The following CDH7 variants were observed in gnomAD, a reference collection of about 807,000 sequenced individuals.
CDH7 encodes the protein cadherin-7.
A neutral mutation model predicts 71.8 loss-of-function variants in CDH7; 25 were observed. The observed-to-expected ratio is 0.35, with a 90% CI of 0.25 to 0.49. The LOEUF is 0.49. Among genes scored for constraint, CDH7 ranks in the 20% least tolerant of loss-of-function variants. The pLI, the probability that CDH7 is intolerant of heterozygous loss-of-function variation, is 0.99. For synonymous variants in CDH7, 381 were observed against 363.8 expected, an observed-to-expected ratio of 1.05 and a Z score of -0.54; for missense variants, 862 against 974.6, an observed-to-expected ratio of 0.88 and a Z score of 1.54.
chr18:65,835,519 G>C (rs1912501658), intron 6 of CDH7, among the ~76,000 whole-genome samples: 1 of 152,164 alleles, frequency 6.6e-6, no homozygotes, highest in Admixed American at 6.5e-5. Flanking sequence ...ATTTGCCACT[G>C]TTTGATGAAG....
intron 1 of CDH7, among the ~76,000 whole-genome samples, chr18:65,758,215 G>A (rs1916087206): frequency 6.6e-6 from 1 of 152,134 alleles, no homozygotes; most frequent in Non-Finnish European, 1.5e-5. Flanking sequence ...CAACCACAAA[G>A]AACTACAGGC....
In CDH7 at chr18:65,804,699, C is replaced by CGTGTGTGTGTGTGTGTGT. The variant is rs56242508; in HGVS notation, c.211-4996_211-4979dup. On this transcript the variant is annotated intron_variant, in intron 2 of 11. Transcript: ENST00000397968. ...CACGTTTCAACCCTCCCTTAACACA[C>CGTGTGTGTGTGTGTGTGT]GTGTGTGTGTGTGTGTGTGTGTGTG... Among the ~76,000 whole-genome samples the CGTGTGTGTGTGTGTGTGT allele has an allele frequency of 2.4e-3, 354 of 148,816 alleles. 1 individual carries two copies. Among genetic ancestry groups the CGTGTGTGTGTGTGTGTGT allele is most frequent in the East Asian group, 8.1e-3 (40 of 4,940 alleles).
At chr18:65,876,057 T>C (rs1311079088) in intron 11 of CDH7, among the ~76,000 whole-genome samples, 1 of 152,230 alleles carries the variant, frequency 6.6e-6, no homozygotes, top group Non-Finnish European at 1.5e-5. Flanking sequence ...TTCTCTTTTC[T>C]GCATATTTCT....
At chr18:65,845,809 G>A (rs1019018514) in intron 7 of CDH7, among the ~76,000 whole-genome samples, 4 of 152,034 alleles carry the variant, frequency 2.6e-5, no homozygotes, top group Non-Finnish European at 4.4e-5. Flanking sequence ...TGTAGTTCTA[G>A]CAACTTGGGA....
At chr18:65,763,884 T>C (rs1298317870) in intron 2 of CDH7, among the ~76,000 whole-genome samples, 2 of 152,126 alleles carry the variant, frequency 1.3e-5, no homozygotes, top group Non-Finnish European at 2.9e-5. Context: ...TGGCATATCA[T>C]GTTCTCGGTT....
At chr18:65,787,912 A>T (rs1364208397) in intron 2 of CDH7, among the ~76,000 whole-genome samples, 1 of 152,090 alleles carries the variant, frequency 6.6e-6, no homozygotes, top group Non-Finnish European at 1.5e-5. Flanking sequence ...AGAGAAAGCG[A>T]GTAACCAGTT....
intron 2 of CDH7, among the ~76,000 whole-genome samples, chr18:65,808,386 T>C (rs1911402400): frequency 6.6e-6 from 1 of 152,090 alleles, no homozygotes. Flanking sequence ...TCACAATAGT[T>C]GAAGAACACA....
intron 2 of CDH7, among the ~76,000 whole-genome samples, chr18:65,799,645 C>T (rs1911047586): frequency 1.3e-5 from 2 of 151,678 alleles, no homozygotes; most frequent in South Asian, 2.1e-4. Flanking sequence ...CACTGCAGTG[C>T]AGCCTGGGTG....
chr18:65,865,807 C>T (rs1231455257), intron 11 of CDH7: 2 of 152,242 alleles, frequency 1.3e-5, no homozygotes, highest in East Asian at 1.9e-4. Flanking sequence ...CACAGCCTGG[C>T]ATGAAAATTG....
intron 7 of CDH7, among the ~76,000 whole-genome samples, chr18:65,854,120 C>CTGTATCTCTACAAAA (rs1913261529): frequency 6.6e-6 from 1 of 150,782 alleles, no homozygotes; most frequent in African/African-American, 2.4e-5. Context: ...GCCCTGGCAG[C>CTGTATCTCTACAAAA]AATAGTGAGA....
rs369236275 is a variant in CDH7 at position 65,881,605 on chromosome 18, TAAAA to T, written c.*718_*721del. On this transcript the variant is annotated 3_prime_UTR_variant, in exon 12 of 12. Transcript: ENST00000397968. ...TTTTGAGATGCTTGTGTAGGTATGA[TAAAA>T]AAAAAAGTTGCTGTCTGTTCATTGA... is the stretch of plus-strand genomic sequence containing the variant. 6.7e-6 allele frequency: 1 copy of T among 149,154 alleles called. No individual in the cohort carries two copies. Among genetic ancestry groups the T allele is most frequent in the Non-Finnish European group, 1.5e-5 (1 of 66,996 alleles). The allele number at this position is 149,154 out of a possible 1,614,324, so 9.2% of individuals were successfully genotyped here.
intron 11 of CDH7, among the ~76,000 whole-genome samples, chr18:65,878,826 A>G (rs763725736): frequency 1.2e-4 from 18 of 152,214 alleles, no homozygotes; most frequent in Non-Finnish European, 2.2e-4. Context: ...GAAGGTGGCC[A>G]GAAAAGCTCA....
intron 11 of CDH7, among the ~76,000 whole-genome samples, chr18:65,878,709 A>T (rs1481564758): frequency 6.6e-6 from 1 of 152,060 alleles, no homozygotes; most frequent in Non-Finnish European, 1.5e-5. Flanking sequence ...TTTTGCATCA[A>T]CCTAGTACAT....
intron 6 of CDH7, among the ~76,000 whole-genome samples, chr18:65,834,713 A>G (rs1300610347): frequency 6.6e-6 from 1 of 152,198 alleles, no homozygotes; most frequent in Non-Finnish European, 1.5e-5. Context: ...AAAGATTAGA[A>G]TAGTCAAGGA....
intron 7 of CDH7, among the ~76,000 whole-genome samples, chr18:65,855,493 A>C (rs1913321977): frequency 6.9e-6 from 1 of 145,914 alleles, no homozygotes; most frequent in Non-Finnish European, 1.5e-5. Context: ...GAAATTAGGC[A>C]ATTTAGAATA....
At chr18:65,852,185 A>G (rs956390738) in intron 7 of CDH7, among the ~76,000 whole-genome samples, 6 of 152,076 alleles carry the variant, frequency 3.9e-5, no homozygotes, top group African/African-American at 1.4e-4. Flanking sequence ...GCTGAATTAT[A>G]GAGATGTAGG....
rs1452532653 is a variant in CDH7 at position 65,826,103 on chromosome 18, T to C, written c.981+1272T>C. 4.6e-5 allele frequency among the ~76,000 whole-genome samples: 7 copies of C among 151,540 alleles called. No individual in the cohort carries two copies. In the East Asian group the frequency reaches 1.2e-3, roughly 25 times the overall value. On this transcript the variant is annotated intron_variant, in intron 6 of 11. Transcript: ENST00000397968. ...TTTAGTAAGGGAAAAGTAAAACTTGTTTTCTAATTTTATAATATCATTTCT... is the reference window on the plus strand; with the variant it reads ...TTTAGTAAGGGAAAAGTAAAACTTGCTTTCTAATTTTATAATATCATTTCT...
In CDH7 at chr18:65,881,662, G is replaced by A. The variant is rs993683155; in HGVS notation, c.*768G>A. On this transcript the variant is annotated 3_prime_UTR_variant, in exon 12 of 12. Transcript: ENST00000397968. ...TTTATTATCTCTTCTGATTTGTACA[G>A]GAGAATATCTTTTCTTTTTTATTTG... 1 of 152,044 alleles carries A rather than the reference G, an allele frequency of 6.6e-6. No homozygotes were observed. Among genetic ancestry groups the A allele is most frequent in the African/African-American group, 2.4e-5 (1 of 41,412 alleles). 9.4% of individuals were successfully genotyped at this position (152,044 alleles called of 1,614,324 possible).
intron 3 of CDH7, among the ~76,000 whole-genome samples, chr18:65,812,704 G>C (rs868685008): frequency 6.6e-6 from 1 of 152,144 alleles, no homozygotes; most frequent in Admixed American, 6.5e-5. Context: ...TGTGTATCTG[G>C]TGTGTGTGTC....
Sources: gnomAD v4.1 joint callset for allele counts (sites outside exome capture counted in the v4.1 genomes callset) on GRCh38, gnomAD v4.1.1 for gene constraint, MANE v1.5 for transcripts, NCBI Gene and HGNC (gene_info 2026-07-23, HGNC 2026-07-21) for gene names.